ZBTB7B: variants seen among roughly 807,000 people sequenced by gnomAD.
ZBTB7B encodes zinc finger and BTB domain-containing protein 7B.
Under a neutral mutation model 31.0 loss-of-function variants are expected in ZBTB7B, and 8 were observed. The observed-to-expected ratio is 0.26, with a 90% CI of 0.15 to 0.47. The LOEUF is 0.47. Ranked by LOEUF, ZBTB7B falls within the 20% of genes least tolerant of loss-of-function variation. The pLI, the probability that ZBTB7B is intolerant of heterozygous loss-of-function variation, is 0.99. For synonymous variants in ZBTB7B, 261 were observed against 307.3 expected (o/e 0.85, Z 1.58); for missense variants, 494 against 742.4 (o/e 0.67, Z 3.89).
chr1:155,011,410 C>T (rs1041750978), intron 1 of ZBTB7B, among the ~76,000 whole-genome samples: 3 of 152,250 alleles, frequency 2.0e-5, no homozygotes, highest in African/African-American at 7.2e-5. Flanking sequence ...GATAGGCACT[C>T]CCACCTTTAC....
rs1187034360 is a variant in ZBTB7B at position 155,004,784 on chromosome 1, A to T, written c.-7+1841A>T. On this transcript the variant is annotated intron_variant, in intron 1 of 2. Transcript: ENST00000535420. This position sits in a 1 kb window ranked among gnomAD's most constrained non-coding sequence, Gnocchi z 4.0. ...AGCTCCCCCAGCGTGCCTCTGTTACATGGTTGCTGTGGGCACAACACAACC... is the reference window on the plus strand; with the variant it reads ...AGCTCCCCCAGCGTGCCTCTGTTACTTGGTTGCTGTGGGCACAACACAACC... Among the ~76,000 whole-genome samples the T allele has an allele frequency of 4.7e-5, 7 of 150,446 alleles. No homozygotes were observed. Among genetic ancestry groups the T allele is most frequent in the Non-Finnish European group, 1.5e-5 (1 of 67,666 alleles).
Position 155,014,649 on chromosome 1 carries a change from C to A in ZBTB7B, c.-6-6C>A, listed in dbSNP as rs1659226280. On this transcript the variant is annotated splice_polypyrimidine_tract_variant and splice_region_variant and intron_variant, in intron 1 of 2. Coordinates refer to ENST00000535420, the MANE Select transcript of ZBTB7B (RefSeq NM_001256455.2). Reference sequence around the variant, plus strand: ...CTCTTAATCTCCCCTCTACTTGACTCTGCAGGAGAAGATGGGGAGCCCCGA... The same window carrying A: ...CTCTTAATCTCCCCTCTACTTGACTATGCAGGAGAAGATGGGGAGCCCCGA... The A allele has an allele frequency of 6.2e-7, 1 of 1,608,096 alleles. No individual in the cohort carries two copies. The highest frequency in any genetic ancestry group is 1.3e-5 in the African/African-American group (1 of 74,846).
rs971117906 is a variant in ZBTB7B, at chr1:155,015,454, A to G, written c.794A>G (p.Glu265Gly). 6.3e-7 allele frequency: 1 copy of G among 1,588,514 alleles called. No individual in the cohort carries two copies. Among genetic ancestry groups the G allele is most frequent in the Non-Finnish European group, 8.6e-7 (1 of 1,164,808 alleles). Residue 265 changes from glutamate to glycine, a missense_variant, in exon 2 of 3, where the codon GAG (glutamate) becomes GGG (glycine). By Grantham distance (98) the Glu-to-Gly change is moderately conservative. This residue lies in a region of ZBTB7B where 216 missense variants were observed against 229.3 expected (regional missense o/e 0.94). Transcript: ENST00000535420. The stretch of plus-strand genomic sequence containing the variant: ...CCCACAGGAACTGCCTCCCCTCCTG[A>G]GGGTCCCCAGAGCTACGAACCCTAT... ...SPPTGTASPP[E>G]GPQSYEPYEG...
At chr1:155,011,316 A>C (rs1421149280) in intron 1 of ZBTB7B, among the ~76,000 whole-genome samples, 1 of 152,206 alleles carries the variant, frequency 6.6e-6, no homozygotes. Context: ...TTTTCTTTCC[A>C]AGACCAGGCC....
chr1:155,008,484 C>T (rs1658706107), intron 1 of ZBTB7B, among the ~76,000 whole-genome samples: 1 of 152,094 alleles, frequency 6.6e-6, no homozygotes, highest in Non-Finnish European at 1.5e-5. Flanking sequence ...ACCTGTCACC[C>T]CTGGCACTGA....
rs753049116 is a variant in ZBTB7B at position 155,014,896 on chromosome 1, C to T, written c.236C>T (p.Thr79Met). ...GAVMGAGGSG[T>M]ATGGAGAGVC... Reference sequence around the variant, plus strand: ...GTCATGGGGGCCGGGGGTAGCGGGACGGCCACTGGGGGAGCAGGGGCCGGT... The same window carrying T: ...GTCATGGGGGCCGGGGGTAGCGGGATGGCCACTGGGGGAGCAGGGGCCGGT... Residue 79 changes from threonine to methionine, a missense_variant, in exon 2 of 3, where the codon ACG becomes ATG. Physicochemically the swap from Thr to Met is moderately conservative, Grantham distance 81. This residue lies in a region of ZBTB7B where 90 missense variants were observed against 143.2 expected (regional missense o/e 0.63). Transcript: ENST00000535420. 36 of 1,613,770 alleles carry T rather than the reference C, an allele frequency of 2.2e-5. No individual in the cohort carries two copies. Among genetic ancestry groups the T allele is most frequent in the South Asian group, 1.1e-4 (10 of 91,070 alleles).
chr1:155,012,346 C>A (rs539811774), intron 1 of ZBTB7B, among the ~76,000 whole-genome samples: 42 of 151,760 alleles, frequency 2.8e-4, no homozygotes, highest in Non-Finnish European at 5.5e-4. Context: ...ACAGCGAGGA[C>A]AGCCCCACCC....
Position 155,016,884 on chromosome 1 carries a change from C to T in ZBTB7B, c.*199C>T. ...CAGAGGCTCCCCAAATTGGGGTGAT[C>T]CCCCAAGGAGTGATACATATATTGT... is the stretch of plus-strand genomic sequence containing the variant. On this transcript the variant is annotated 3_prime_UTR_variant, in exon 3 of 3. Transcript: ENST00000535420. The surrounding 1 kb of genome is among the most constrained non-coding windows in gnomAD (Gnocchi z 4.3). 1.8e-6 allele frequency: 1 copy of T among 557,518 alleles called. No homozygotes were observed. The highest frequency in any genetic ancestry group is 3.2e-6 in the Non-Finnish European group (1 of 312,910). The allele number at this position is 557,518 out of a possible 1,614,324, so 34.5% of individuals were successfully genotyped here.
In ZBTB7B at chr1:155,015,650, G is replaced by A. The variant is rs747147627; in HGVS notation, c.990G>A (p.Leu330=). ...SLHQDNLAPG[L]DSQDKLVRKR... Reference sequence around the variant, plus strand: ...ACCAGGACAACCTGGCACCAGGCCTGGACAGCCAAGACAAGCTGGTGCGCA... The same window carrying A: ...ACCAGGACAACCTGGCACCAGGCCTAGACAGCCAAGACAAGCTGGTGCGCA... The change falls in exon 2 of 3, where the codon CTG becomes CTA. Residue 330 remains leucine, a synonymous_variant. Transcript: ENST00000535420. 1 of 1,613,420 alleles carries A rather than the reference G, an allele frequency of 6.2e-7. No homozygotes were observed. The highest frequency in any genetic ancestry group is 8.5e-7 in the Non-Finnish European group (1 of 1,180,010).
chr1:155,011,208 C>A (rs554898049), intron 1 of ZBTB7B, among the ~76,000 whole-genome samples: 32 of 152,386 alleles, frequency 2.1e-4, no homozygotes, highest in Admixed American at 7.2e-4. Flanking sequence ...TATCCCTGCC[C>A]TTCGGCTGGC....
intron 1 of ZBTB7B, chr1:155,011,117 C>A: frequency 9.3e-7 from 1 of 1,079,798 alleles, no homozygotes; most frequent in Non-Finnish European, 1.4e-6. Context: ...TGCTGCCCCC[C>A]ACACTAAGCC....
In ZBTB7B at chr1:155,016,884, C is replaced by G. The variant is rs1004946715; in HGVS notation, c.*199C>G. On this transcript the variant is annotated 3_prime_UTR_variant, in exon 3 of 3. Transcript: ENST00000535420. The surrounding 1 kb of genome is among the most constrained non-coding windows in gnomAD (Gnocchi z 4.3). ...CAGAGGCTCCCCAAATTGGGGTGAT[C>G]CCCCAAGGAGTGATACATATATTGT... 1.8e-6 allele frequency: 1 copy of G among 557,400 alleles called. No individual in the cohort carries two copies. Among genetic ancestry groups the G allele is most frequent in the African/African-American group, 1.9e-5 (1 of 53,490 alleles). 34.5% of individuals were successfully genotyped at this position (557,400 alleles called of 1,614,324 possible).
At chr1:155,013,694 G>A (rs1456097345) in intron 1 of ZBTB7B, among the ~76,000 whole-genome samples, 3 of 145,062 alleles carry the variant, frequency 2.1e-5, no homozygotes, top group African/African-American at 7.5e-5. Flanking sequence ...AGGGGTGGCA[G>A]TAGCTGAGGG....
rs1419976291 is a variant in ZBTB7B, at chr1:155,010,858, C to T, written c.-6-3797C>T. 3 of 1,434,556 alleles carry T rather than the reference C, an allele frequency of 2.1e-6. No individual in the cohort carries two copies. In the African/African-American group the frequency reaches 4.2e-5, roughly 20 times the overall value. The allele number at this position is 1,434,556 out of a possible 1,614,324, so 88.9% of individuals were successfully genotyped here. A position where few individuals can be genotyped will look rare whatever the true frequency, so the allele number is the denominator to read the frequency against. ...GACAGAAGTAAGGGGGAGGGGTGGC[C>T]AGCCAAGGCACCAGGAGCGTTGGGA... On this transcript the variant is annotated intron_variant, in intron 1 of 2. Coordinates refer to ENST00000535420, the MANE Select transcript of ZBTB7B (RefSeq NM_001256455.2).
chr1:155,008,103 C>T (rs890010366), intron 1 of ZBTB7B, among the ~76,000 whole-genome samples: 3 of 152,134 alleles, frequency 2.0e-5, no homozygotes, highest in Admixed American at 6.5e-5. Context: ...TGGGGCTAGG[C>T]GCTTCCCAGC....
At chr1:155,015,848 C>T in intron 2 of ZBTB7B, 34 bp downstream of exon 2, 1 of 1,594,468 alleles carries the variant, frequency 6.3e-7, no homozygotes, top group Non-Finnish European at 8.6e-7. Context: ...CCGGCAGGGG[C>T]CATGGGTAGG....
In ZBTB7B at chr1:155,015,817, G is replaced by A. The variant is rs1659357314; in HGVS notation, c.1154+3G>A. The A allele has an allele frequency of 1.2e-6, 2 of 1,606,524 alleles. No individual in the cohort carries two copies. The highest frequency in any genetic ancestry group is 1.3e-5 in the African/African-American group (1 of 74,758). On this transcript the variant is annotated splice_donor_region_variant and intron_variant, in intron 2 of 2. Coordinates refer to ENST00000535420, the MANE Select transcript of ZBTB7B (RefSeq NM_001256455.2). The stretch of plus-strand genomic sequence containing the variant: ...GTCTGCGGTGTTCGATTCACCAGGT[G>A]AGCAGCAAGGGGGGAAGGGCCCGGC...
At position 155,018,194 on chromosome 1, in the gene ZBTB7B, G is replaced by A. The variant is rs183453193; in HGVS notation, c.*1509G>A. On this transcript the variant is annotated 3_prime_UTR_variant, in exon 3 of 3. Transcript: ENST00000535420. ...CAGCTGCCCAGGTACCCCTAACAGT[G>A]GGGAGGGGTCACAGGGAGGGGGTAG... is the stretch of plus-strand genomic sequence containing the variant. The A allele has an allele frequency of 4.4e-4, 120 of 272,746 alleles. No homozygotes were observed. Among genetic ancestry groups the A allele is most frequent in the African/African-American group, 2.6e-3 (116 of 44,804 alleles). The allele number at this position is 272,746 out of a possible 1,614,324, so 16.9% of individuals were successfully genotyped here.
intron 1 of ZBTB7B, among the ~76,000 whole-genome samples, chr1:155,013,811 C>T (rs906342599): frequency 4.0e-5 from 6 of 151,364 alleles, no homozygotes; most frequent in African/African-American, 1.5e-4. Flanking sequence ...CCAGTGACAC[C>T]CCAGCAAAGG....
Sources: allele counts gnomAD v4.1 joint callset (sites outside exome capture counted in the v4.1 genomes callset), GRCh38; gene constraint gnomAD v4.1.1; regional missense constraint gnomAD v4.1.1; non-coding constraint Gnocchi (gnomAD v3.1); transcripts MANE v1.5; gene names NCBI Gene and HGNC (gene_info 2026-07-23, HGNC 2026-07-21).